The following MOB3A variants were observed in gnomAD, a reference collection of about 807,000 sequenced individuals.
MOB3A encodes the protein MOB LAK.
MOB3A carries 17 observed loss-of-function variants against 17.8 expected under a neutral mutation model. The observed-to-expected ratio is 0.95, with a 90% CI of 0.65 to 1.43. MOB3A has a LOEUF of 1.43. MOB3A is among the 40% of genes most tolerant of loss of function. The probability of loss-of-function intolerance (pLI) is 0.00; values close to 1 mark genes in which losing one functional copy is unlikely to be tolerated. For missense variants in MOB3A, 333 were observed against 310.8 expected, an observed-to-expected ratio of 1.07 and a Z score of -0.54; for synonymous variants, 124 against 133.2, an observed-to-expected ratio of 0.93 and a Z score of 0.48.
At chr19:2,086,525 A>T (rs1317711067) in intron 1 of MOB3A, among the ~76,000 whole-genome samples, 1 of 149,266 alleles carries the variant, frequency 6.7e-6, no homozygotes, top group Non-Finnish European at 1.5e-5. Context: ...ATGCCTGCCT[A>T]ATTTTTGTAT....
chr19:2,083,243 T>C (rs1232949475), intron 2 of MOB3A, among the ~76,000 whole-genome samples: 1 of 152,202 alleles, frequency 6.6e-6, no homozygotes, highest in Non-Finnish European at 1.5e-5. Flanking sequence ...TCTGTGCTTA[T>C]GGTATCCCCC....
intron 1 of MOB3A, among the ~76,000 whole-genome samples, chr19:2,090,435 G>A (rs1183114211): frequency 6.6e-6 from 1 of 152,090 alleles, no homozygotes; most frequent in African/African-American, 2.4e-5. Context: ...GACGATGTCT[G>A]GGGACATCTG....
rs62128369 is a variant in MOB3A, at chr19:2,082,721, C to T, written c.-120+2454G>A. ...GCCCCTCCACTGCCTAGCAGAGCCA[C>T]GTGGATGCTCCAAGTCCAGGGACTG... is the stretch of plus-strand genomic sequence containing the variant. On this transcript the variant is annotated intron_variant, in intron 2 of 4. Coordinates refer to ENST00000357066, the MANE Select transcript of MOB3A (RefSeq NM_130807.3). This position sits in a 1 kb window ranked among gnomAD's most constrained non-coding sequence, Gnocchi z 4.1. 5.9e-5 allele frequency among the ~76,000 whole-genome samples: 9 copies of T among 152,222 alleles called. No homozygotes were observed. Among genetic ancestry groups the T allele is most frequent in the Non-Finnish European group, 1.2e-4 (8 of 68,038 alleles).
chr19:2,090,965 A>G (rs2144939216), intron 1 of MOB3A, among the ~76,000 whole-genome samples: 1 of 152,258 alleles, frequency 6.6e-6, no homozygotes, highest in South Asian at 2.1e-4. Flanking sequence ...CCCGGCCAAA[A>G]TACGTGCATT....
In MOB3A at chr19:2,078,135, C is replaced by A; in HGVS notation, c.421+5G>T. ...ATCCCCGAGCCCCTGCCAGCTCTGACTCACCAACGTTGGTGGGGAAGAGGT... is the reference window on the plus strand; with the variant it reads ...ATCCCCGAGCCCCTGCCAGCTCTGAATCACCAACGTTGGTGGGGAAGAGGT... On this transcript the variant is annotated splice_donor_5th_base_variant and intron_variant, in intron 3 of 4. Transcript: ENST00000357066. 1 of 1,560,416 alleles carries A rather than the reference C, an allele frequency of 6.4e-7. No individual in the cohort carries two copies. Among genetic ancestry groups the A allele is most frequent in the South Asian group, 1.2e-5 (1 of 82,978 alleles).
At chr19:2,095,202 AAAC>A (rs1450465865) in intron 1 of MOB3A, 23 of 153,100 alleles carry the variant, frequency 1.5e-4, no homozygotes, top group Non-Finnish European at 3.2e-4. Flanking sequence ...ACAAACAAAC[AAAC>A]AAAAAAACAG....
chr19:2,087,392 C>G (rs1038938748), intron 1 of MOB3A, among the ~76,000 whole-genome samples: 1 of 152,240 alleles, frequency 6.6e-6, no homozygotes, highest in Non-Finnish European at 1.5e-5. Flanking sequence ...GTGGCTCACG[C>G]CTGTAATCCT....
chr19:2,086,800 GT>G (rs905250492), intron 1 of MOB3A, among the ~76,000 whole-genome samples: 2 of 150,618 alleles, frequency 1.3e-5, no homozygotes, highest in Admixed American at 1.3e-4. Context: ...TTACATTTTT[GT>G]TTTTTTTAGA....
At chr19:2,089,152 G>A (rs540247428) in intron 1 of MOB3A, among the ~76,000 whole-genome samples, 14 of 152,166 alleles carry the variant, frequency 9.2e-5, no homozygotes, top group Admixed American at 2.0e-4. Context: ...GACCTTTGCT[G>A]TCATTAGTAA....
chr19:2,077,169 G>C (rs1410395748), intron 3 of MOB3A, among the ~76,000 whole-genome samples, 156 bp from the exon 4 acceptor site: 1 of 152,186 alleles, frequency 6.6e-6, no homozygotes, highest in African/African-American at 2.4e-5. Flanking sequence ...GGGAGGCCGA[G>C]GCAGGCAGAT....
intron 4 of MOB3A, among the ~76,000 whole-genome samples, chr19:2,074,165 A>T (rs2017374716): frequency 6.6e-6 from 1 of 150,530 alleles, no homozygotes; most frequent in Admixed American, 6.6e-5. Context: ...ATGGTGGCAC[A>T]TGCCTGTAGT....
chr19:2,095,395 G>A (rs2017668867), intron 1 of MOB3A: 1 of 152,186 alleles, frequency 6.6e-6, no homozygotes, highest in Non-Finnish European at 1.5e-5. Flanking sequence ...GCTTGTCCCT[G>A]GCGGGCGCCT....
intron 1 of MOB3A, among the ~76,000 whole-genome samples, chr19:2,092,626 C>T (rs183462558): frequency 2.6e-5 from 4 of 151,896 alleles, no homozygotes; most frequent in Admixed American, 6.6e-5. Context: ...GGCGTGGTGG[C>T]GCATGCCTGT....
chr19:2,087,248 C>A (rs570150713), intron 1 of MOB3A, among the ~76,000 whole-genome samples: 1 of 152,228 alleles, frequency 6.6e-6, no homozygotes, highest in African/African-American at 2.4e-5. Context: ...ACATCCCACA[C>A]GTTTTAACCT....
At chr19:2,078,019 A>G (rs2017434296) in intron 3 of MOB3A, 121 bp downstream of exon 3, 1 of 1,062,872 alleles carries the variant, frequency 9.4e-7, no homozygotes. Flanking sequence ...TCCTGGGCTC[A>G]AGCGATCCCT....
Position 2,082,396 on chromosome 19 carries a change from A to G in MOB3A, c.-120+2779T>C, listed in dbSNP as rs1206024173. 1.3e-5 allele frequency among the ~76,000 whole-genome samples: 2 copies of G among 152,096 alleles called. No homozygotes were observed. The highest frequency in any genetic ancestry group is 2.9e-5 in the Non-Finnish European group (2 of 68,006). On this transcript the variant is annotated intron_variant, in intron 2 of 4. Transcript: ENST00000357066. This position sits in a 1 kb window ranked among gnomAD's most constrained non-coding sequence, Gnocchi z 4.1. Reference sequence around the variant, plus strand: ...ACAACCACAGATGTGCCCAGACATCACCCAGTGTCCCTTTGGGTTAAGATT... The same window carrying G: ...ACAACCACAGATGTGCCCAGACATCGCCCAGTGTCCCTTTGGGTTAAGATT...
At chr19:2,073,658 T>C (rs72620506) in intron 4 of MOB3A, among the ~76,000 whole-genome samples, 13,636 of 152,144 alleles carry the variant, frequency 0.09, 706 homozygotes, top group East Asian at 0.2. Flanking sequence ...GTCCCTGTCA[T>C]GATGGCTCAA....
chr19:2,095,876 C>T (rs1363952542), intron 1 of MOB3A, among the ~76,000 whole-genome samples: 1 of 152,032 alleles, frequency 6.6e-6, no homozygotes, highest in East Asian at 1.9e-4. Context: ...TCCTCAGCAG[C>T]TGGGATTACA....
At chr19:2,079,860 A>G (rs1439986068) in intron 2 of MOB3A, among the ~76,000 whole-genome samples, 1 of 152,236 alleles carries the variant, frequency 6.6e-6, no homozygotes, top group Non-Finnish European at 1.5e-5. Flanking sequence ...GGAAGCCTCC[A>G]GGAGCCGGCC....
Sources: gnomAD v4.1 joint callset for allele counts (sites outside exome capture counted in the v4.1 genomes callset) on GRCh38, gnomAD v4.1.1 for gene constraint, Gnocchi (gnomAD v3.1) non-coding constraint, MANE v1.5 for transcripts, NCBI Gene and HGNC (gene_info 2026-07-23, HGNC 2026-07-21) for gene names.